Variants in EXOC3L2 observed in about 807,000 individuals in gnomAD.
EXOC3L2 encodes exocyst complex component 3-like protein 2.
A neutral mutation model predicts 44.4 loss-of-function variants in EXOC3L2; 17 were observed. The ratio of observed to expected loss-of-function variants is 0.38; its 90% confidence interval spans 0.26 to 0.57. EXOC3L2 has a LOEUF of 0.57. EXOC3L2 is among the 20% of genes least tolerant of loss of function. EXOC3L2 has a pLI of 0.65. For synonymous variants in EXOC3L2, 256 were observed against 253.7 expected, an observed-to-expected ratio of 1.01 and a Z score of -0.09; for missense variants, 541 against 588.4, an observed-to-expected ratio of 0.92 and a Z score of 0.83.
At chr19:45,228,771 CAAAAAT>C (rs1327572734) in intron 4 of EXOC3L2, among the ~76,000 whole-genome samples, 2 of 151,264 alleles carry the variant, frequency 1.3e-5, no homozygotes, top group South Asian at 2.1e-4. Flanking sequence ...GACTCCAACT[CAAAAAT>C]AAAAATAAAA....
chr19:45,219,823 T>A (rs574308833), intron 8 of EXOC3L2, among the ~76,000 whole-genome samples: 4 of 152,326 alleles, frequency 2.6e-5, no homozygotes, highest in African/African-American at 9.6e-5. Flanking sequence ...ATGCACCAAA[T>A]GAATTGAGTT....
Position 45,224,903 on chromosome 19 carries a change from C to T in EXOC3L2, c.1594G>A (p.Glu532Lys), listed in dbSNP as rs763296553. 1.4e-5 allele frequency: 21 copies of T among 1,550,702 alleles called. No individual in the cohort carries two copies. Among genetic ancestry groups the T allele is most frequent in the Middle Eastern group, 1.7e-4 (1 of 5,764 alleles). ...NCGPPLRALA[E>K]RLARVGPPES... The stretch of plus-strand genomic sequence containing the variant: ...GGGGGCCCCACCCGGGCCAGGCGCT[C>T]GGCCAGAGCTCTGTGGGGATCAACA... Residue 532 changes from glutamate (E) to lysine (K), a missense_variant, in exon 8 of 12, where the codon GAG becomes AAG. Physicochemically the swap from Glu to Lys is moderately conservative, Grantham distance 56. Coordinates refer to ENST00000413988, the MANE Select transcript of EXOC3L2 (RefSeq NM_001382422.1).
At chr19:45,218,456 C>T in intron 8 of EXOC3L2, 137 bp from the exon 9 acceptor site, 2 of 1,189,204 alleles carry the variant, frequency 1.7e-6, no homozygotes. Flanking sequence ...AGAGATAGCC[C>T]CAGCCCTGGC....
intron 4 of EXOC3L2, among the ~76,000 whole-genome samples, chr19:45,231,247 G>A (rs1210501453): frequency 1.3e-5 from 2 of 152,122 alleles, no homozygotes; most frequent in Non-Finnish European, 2.9e-5. Context: ...GGGACGGCGT[G>A]CATGGCTGGG....
rs1969791298 is a variant in EXOC3L2, at chr19:45,212,967, G to C, written c.*102C>G. ...GACATCTAAGGGTCTTTCTATCCCA[G>C]GGGTGTGTGGTCCCAGGCAGGGAGT... is the stretch of plus-strand genomic sequence containing the variant. On this transcript the variant is annotated 3_prime_UTR_variant, in exon 12 of 12. Coordinates refer to ENST00000413988, the MANE Select transcript of EXOC3L2 (RefSeq NM_001382422.1). 1.6e-6 allele frequency: 2 copies of C among 1,288,518 alleles called. No homozygotes were observed. Among genetic ancestry groups the C allele is most frequent in the Non-Finnish European group, 1.0e-6 (1 of 983,716 alleles). The allele number at this position is 1,288,518 out of a possible 1,614,324, so 79.8% of individuals were successfully genotyped here.
intron 8 of EXOC3L2, among the ~76,000 whole-genome samples, chr19:45,218,800 T>C (rs1249679396): frequency 2.0e-5 from 3 of 152,078 alleles, no homozygotes; most frequent in African/African-American, 7.2e-5. Context: ...GGGGACTTCA[T>C]TTAAAAATTA....
Position 45,238,883 on chromosome 19 carries a change from GGCGGCGACAA to G in EXOC3L2, c.153_162del (p.Cys52AlafsTer78). On this transcript the variant is annotated frameshift_variant, in exon 2 of 12. Coordinates refer to ENST00000413988, the MANE Select transcript of EXOC3L2 (RefSeq NM_001382422.1). LOFTEE classifies it high-confidence loss of function. The surrounding 1 kb of genome is among the most constrained non-coding windows in gnomAD (Gnocchi z 5.5). ...CCCGCAAGCTTCTCCAGGGTGGCGC[GGCGGCGACAA>G]GATGTTCCATTGGGGAGGGACCCCA... 1 of 399,170 alleles carries G rather than the reference GGCGGCGACAA, an allele frequency of 2.5e-6. No homozygotes were observed. The allele number at this position is 399,170 out of a possible 1,614,324, so 24.7% of individuals were successfully genotyped here. A position where few individuals can be genotyped will look rare whatever the true frequency, so the allele number is the denominator to read the frequency against.
chr19:45,218,120 C>G, intron 9 of EXOC3L2, 77 bp downstream of exon 9: 1 of 1,392,362 alleles, frequency 7.2e-7, no homozygotes, highest in South Asian at 1.4e-5. Context: ...CCAATCTCCC[C>G]TCTTCCCGTC....
intron 1 of EXOC3L2, 105 bp downstream of exon 1, chr19:45,245,236 A>C (rs1464814533): frequency 6.6e-6 from 1 of 152,080 alleles, no homozygotes; most frequent in East Asian, 1.9e-4. Context: ...GCTGGGTTCA[A>C]GGTACAGGTT....
chr19:45,217,398 A>T, intron 10 of EXOC3L2, 130 bp downstream of exon 10: 1 of 1,188,766 alleles, frequency 8.4e-7, no homozygotes, highest in Non-Finnish European at 1.1e-6. Flanking sequence ...GTTGCTATTG[A>T]CCCGAAGTTG....
At chr19:45,227,204 G>A (rs1015830826) in intron 7 of EXOC3L2, among the ~76,000 whole-genome samples, 37 of 149,962 alleles carry the variant, frequency 2.5e-4, no homozygotes, top group African/African-American at 8.8e-4. Flanking sequence ...TGCAAGCTCC[G>A]CCTCCCGGGT....
At chr19:45,218,791 G>A (rs1969866510) in intron 8 of EXOC3L2, among the ~76,000 whole-genome samples, 1 of 152,036 alleles carries the variant, frequency 6.6e-6, no homozygotes, top group African/African-American at 2.4e-5. Flanking sequence ...ATGAAAACAG[G>A]GGACTTCATT....
intron 2 of EXOC3L2, among the ~76,000 whole-genome samples, chr19:45,237,777 C>A (rs1970096732): frequency 2.0e-5 from 3 of 152,110 alleles, no homozygotes; most frequent in South Asian, 2.1e-4. Context: ...GAAATAGGGT[C>A]TTTACAGAGG....
intron 9 of EXOC3L2, 72 bp downstream of exon 9, chr19:45,218,125 C>T (rs1969856704): frequency 7.2e-7 from 1 of 1,394,936 alleles, no homozygotes; most frequent in Non-Finnish European, 9.5e-7. Flanking sequence ...CTCCCCTCTT[C>T]CCGTCCCTTT....
chr19:45,234,678 C>T lies in EXOC3L2; in HGVS notation c.672G>A (p.Ala224=), dbSNP rs1970064894. The T allele has an allele frequency of 2.6e-6, 1 of 380,386 alleles. No homozygotes were observed. The highest frequency in any genetic ancestry group is 2.1e-5 in the African/African-American group (1 of 47,712). The allele number at this position is 380,386 out of a possible 1,614,324, so 23.6% of individuals were successfully genotyped here. A position where few individuals can be genotyped will look rare whatever the true frequency, so the allele number is the denominator to read the frequency against. Residue 224 remains alanine, a synonymous_variant, in exon 3 of 12, where the codon GCG becomes GCA. Coordinates refer to ENST00000413988, the MANE Select transcript of EXOC3L2 (RefSeq NM_001382422.1). This position sits in a 1 kb window ranked among gnomAD's most constrained non-coding sequence, Gnocchi z 5.0. The part of the protein sequence containing the change: ...KAEGAGGGRR[A]RDVALLYEAL... Reference sequence around the variant, plus strand: ...CCTCGTACAGCAGCGCCACGTCCCGCGCCCGGCGGCCCCCGCCAGCGCCCT... The same window carrying T: ...CCTCGTACAGCAGCGCCACGTCCCGTGCCCGGCGGCCCCCGCCAGCGCCCT...
intron 11 of EXOC3L2, 71 bp from the exon 12 acceptor site, chr19:45,213,428 C>T (rs1969800747): frequency 7.1e-6 from 11 of 1,555,030 alleles, no homozygotes; most frequent in Non-Finnish European, 9.5e-6. Flanking sequence ...CAGCCGTGGA[C>T]CCCACCTGAC....
At chr19:45,224,663 C>T in intron 8 of EXOC3L2, 115 bp downstream of exon 8, 1 of 1,403,080 alleles carries the variant, frequency 7.1e-7, no homozygotes, top group Non-Finnish European at 9.4e-7. Context: ...CTGCCCCCCG[C>T]CCCTGTCTGC....
chr19:45,217,518 C>A lies in EXOC3L2; in HGVS notation c.1998+10G>T. Reference sequence around the variant, plus strand: ...TTCTGAAACACCCCCAACCGCGTCCCGACACTGACCAGCCGCCGGAACAGC... The same window carrying A: ...TTCTGAAACACCCCCAACCGCGTCCAGACACTGACCAGCCGCCGGAACAGC... On this transcript the variant is annotated intron_variant, in intron 10 of 11. Coordinates refer to ENST00000413988, the MANE Select transcript of EXOC3L2 (RefSeq NM_001382422.1). 6.4e-7 allele frequency: 1 copy of A among 1,571,522 alleles called. No individual in the cohort carries two copies. The highest frequency in any genetic ancestry group is 2.4e-5 in the East Asian group (1 of 41,420).
intron 4 of EXOC3L2, among the ~76,000 whole-genome samples, chr19:45,231,021 CG>C (rs1970025921): frequency 6.6e-6 from 1 of 151,564 alleles, no homozygotes; most frequent in African/African-American, 2.4e-5. Context: ...CCCAGGAGTT[CG>C]AGGCTGTAGT....
Sources: gnomAD v4.1 joint callset for allele counts (sites outside exome capture counted in the v4.1 genomes callset) on GRCh38, gnomAD v4.1.1 for gene constraint, Gnocchi (gnomAD v3.1) non-coding constraint, MANE v1.5 for transcripts, NCBI Gene and HGNC (gene_info 2026-07-23, HGNC 2026-07-21) for gene names.